The following PPP2R3A variants were observed in gnomAD, a reference collection of about 807,000 sequenced individuals.
PPP2R3A encodes serine/threonine-protein phosphatase 2A regulatory subunit B'' subunit alpha.
PPP2R3A carries 80 observed loss-of-function variants against 106.9 expected under a neutral mutation model. The ratio of observed to expected loss-of-function variants is 0.75; its 90% CI spans 0.62 to 0.90. PPP2R3A has a LOEUF of 0.90. PPP2R3A is among the 40% of genes least tolerant of loss of function. The pLI is 0.00. For missense variants in PPP2R3A, 1,386 were observed against 1,350.4 expected, an observed-to-expected ratio of 1.03 and a Z score of -0.41; for synonymous variants, 483 against 468.3, an observed-to-expected ratio of 1.03 and a Z score of -0.41.
chr3:135,994,969 A>G (rs1933328816), intron 1 of PPP2R3A, among the ~76,000 whole-genome samples: 1 of 152,186 alleles, frequency 6.6e-6, no homozygotes, highest in African/African-American at 2.4e-5. Context: ...ATAGCAGTTT[A>G]TTGTGGAGCT....
chr3:136,115,762 A>G lies in PPP2R3A; in HGVS notation c.3329+9440A>G, dbSNP rs6784017. 4.9e-3 allele frequency among the ~76,000 whole-genome samples: 740 copies of G among 152,236 alleles called. 7 individuals carry two copies. The highest frequency in any genetic ancestry group is 0.017 in the African/African-American group (702 of 41,544). On this transcript the variant is annotated intron_variant, in intron 13 of 13. Transcript: ENST00000264977. ...GGGACTATGTGAAAAGACCAGATCT[A>G]CGTTTGATTGGTGAACCTGAAAGTG...
intron 13 of PPP2R3A, among the ~76,000 whole-genome samples, chr3:136,113,935 A>T (rs1250710524): frequency 6.6e-6 from 1 of 152,196 alleles, no homozygotes; most frequent in Admixed American, 6.5e-5. Flanking sequence ...ACAAAAGTAG[A>T]CAAGTGGGGC....
chr3:136,087,235 C>G (rs1383219006), intron 8 of PPP2R3A, among the ~76,000 whole-genome samples: 1 of 141,000 alleles, frequency 7.1e-6, no homozygotes, highest in Non-Finnish European at 1.5e-5. Context: ...AAGAACAGGT[C>G]TCTAGTCGTG....
chr3:136,067,403 AAAGT>A (rs1317554465), intron 5 of PPP2R3A, among the ~76,000 whole-genome samples: 1 of 152,202 alleles, frequency 6.6e-6, no homozygotes, highest in African/African-American at 2.4e-5. Context: ...AGACAGAAAC[AAAGT>A]GAGTCTTAGG....
chr3:136,142,908 A>G (rs568345693), intron 13 of PPP2R3A, among the ~76,000 whole-genome samples: 5 of 152,306 alleles, frequency 3.3e-5, no homozygotes, highest in African/African-American at 1.2e-4. Context: ...AATCAGCAGC[A>G]TTGGTTTTGA....
At chr3:136,110,033 G>C (rs1937570849) in intron 13 of PPP2R3A, among the ~76,000 whole-genome samples, 1 of 152,034 alleles carries the variant, frequency 6.6e-6, no homozygotes, top group Non-Finnish European at 1.5e-5. Flanking sequence ...TATGGAGCTT[G>C]GAACAGAGAA....
intron 13 of PPP2R3A, among the ~76,000 whole-genome samples, chr3:136,112,615 C>T (rs1937610708): frequency 6.6e-6 from 1 of 152,028 alleles, no homozygotes; most frequent in East Asian, 1.9e-4. Context: ...CAAATCACTG[C>T]CAAAAGAAAT....
At chr3:136,087,732 T>C in intron 8 of PPP2R3A, 151 bp from the exon 9 acceptor site, 3 of 524,700 alleles carry the variant, frequency 5.7e-6, no homozygotes, top group South Asian at 6.4e-5. Context: ...TATATTAAAA[T>C]TATGCGTAAA....
chr3:136,136,061 AAAAAAAAAAAAATTAT>A (rs1440110418), intron 13 of PPP2R3A, among the ~76,000 whole-genome samples: 4 of 47,326 alleles, frequency 8.5e-5, no homozygotes, highest in Non-Finnish European at 1.7e-4. Context: ...AAAAAAAAAA[AAAAAAAAAAAAATTAT>A]ATATATATAT....
At chr3:136,003,996 C>A (rs1393110099) in intron 2 of PPP2R3A, among the ~76,000 whole-genome samples, 3 of 152,128 alleles carry the variant, frequency 2.0e-5, no homozygotes, top group Non-Finnish European at 2.9e-5. Context: ...GCTTAAAATC[C>A]ACTTGTAGAG....
At chr3:136,129,614 C>T (rs986170104) in intron 13 of PPP2R3A, among the ~76,000 whole-genome samples, 1 of 152,228 alleles carries the variant, frequency 6.6e-6, no homozygotes, top group African/African-American at 2.4e-5. Context: ...ACCATTCCTT[C>T]TGAAACTACT....
chr3:135,972,592 G>GAGAATTCTAGT (rs1249174095), intron 1 of PPP2R3A, among the ~76,000 whole-genome samples: 1 of 152,086 alleles, frequency 6.6e-6, no homozygotes, highest in Non-Finnish European at 1.5e-5. Flanking sequence ...AGCAATTTTT[G>GAGAATTCTAGT]AGAATTCTAG....
At chr3:136,023,224 T>TTTGTC (rs1206584694) in intron 2 of PPP2R3A, 1 of 1,534,686 alleles carries the variant, frequency 6.5e-7, no homozygotes, top group African/African-American at 1.4e-5. Context: ...GGTGTTTTGT[T>TTTGTC]TTGTTTTGTT....
At chr3:135,979,365 T>G (rs1937508090) in intron 1 of PPP2R3A, among the ~76,000 whole-genome samples, 1 of 148,578 alleles carries the variant, frequency 6.7e-6, no homozygotes, top group Admixed American at 6.6e-5. Flanking sequence ...AGAAGGAGAC[T>G]CCATCTCAAA....
chr3:136,013,411 G>A (rs769142273), intron 2 of PPP2R3A, among the ~76,000 whole-genome samples: 3 of 152,088 alleles, frequency 2.0e-5, no homozygotes, highest in Non-Finnish European at 4.4e-5. Context: ...TCTACTTTCA[G>A]TTCTTTAAGG....
chr3:136,065,503 AT>A (rs373240430), intron 5 of PPP2R3A, among the ~76,000 whole-genome samples: 16 of 152,308 alleles, frequency 1.1e-4, no homozygotes, highest in African/African-American at 3.8e-4. Flanking sequence ...ACATACTGGT[AT>A]AGCAAAGCCT....
intron 1 of PPP2R3A, among the ~76,000 whole-genome samples, chr3:135,985,354 C>T (rs1326990834): frequency 1.4e-5 from 2 of 147,580 alleles, no homozygotes; most frequent in Non-Finnish European, 3.0e-5. Flanking sequence ...TCTCTCCCCG[C>T]CCTCTTTCCC....
At chr3:136,064,344 C>A (rs1936189288) in intron 5 of PPP2R3A, among the ~76,000 whole-genome samples, 1 of 151,574 alleles carries the variant, frequency 6.6e-6, no homozygotes, top group African/African-American at 2.4e-5. Context: ...GTGCAGCACA[C>A]CAGCATGGCA....
chr3:136,082,423 T>C lies in PPP2R3A; in HGVS notation c.2788+2T>C. ...ATCTGTCTCGATACAATGACCAGGGTAAGTGATTCTGTAGATGCTAAGACT... is the reference window on the plus strand; with the variant it reads ...ATCTGTCTCGATACAATGACCAGGGCAAGTGATTCTGTAGATGCTAAGACT... On this transcript the variant is annotated splice_donor_variant, in intron 8 of 13. Transcript: ENST00000264977. LOFTEE classifies it high-confidence loss of function. 6.2e-7 allele frequency: 1 copy of C among 1,612,862 alleles called. No individual in the cohort carries two copies. Among genetic ancestry groups the C allele is most frequent in the South Asian group, 1.1e-5 (1 of 91,010 alleles).
Sources: gnomAD v4.1 joint callset for allele counts (sites outside exome capture counted in the v4.1 genomes callset) on GRCh38, gnomAD v4.1.1 for gene constraint, MANE v1.5 for transcripts, NCBI Gene and HGNC (gene_info 2026-07-23, HGNC 2026-07-21) for gene names.